HERC4: variants seen among roughly 807,000 people sequenced by gnomAD.
The protein encoded by HERC4 is probable E3 ubiquitin-protein ligase HERC4.
HERC4 carries 28 observed loss-of-function variants against 124.3 expected under a neutral mutation model. The ratio of observed to expected loss-of-function variants is 0.23; its 90% confidence interval spans 0.17 to 0.31. The LOEUF is 0.31. Among genes scored for constraint, HERC4 ranks in the 10% least tolerant of loss-of-function variants. The pLI is 1.00. For synonymous variants in HERC4, 407 were observed against 421.5 expected, an observed-to-expected ratio of 0.97 and a Z score of 0.42; for missense variants, 713 against 1,229.3, an observed-to-expected ratio of 0.58 and a Z score of 6.28.
intron 9 of HERC4, chr10:68,010,232 G>C (rs1473455693): frequency 6.5e-6 from 7 of 1,069,000 alleles, no homozygotes; most frequent in Non-Finnish European, 8.3e-6. Context: ...AGAGCCCAGA[G>C]TGGCGACAGA....
intron 3 of HERC4, among the ~76,000 whole-genome samples, chr10:68,059,494 CATT>C (rs1160097643): frequency 8.7e-5 from 6 of 69,156 alleles, no homozygotes; most frequent in East Asian, 1.4e-3. Context: ...TATATTATAA[CATT>C]ATATATTATA....
rs963039997 is a variant in HERC4 at position 67,959,057 on chromosome 10, A to C, written c.1927-2081T>G. 1.5e-5 allele frequency: 22 copies of C among 1,441,036 alleles called. No individual in the cohort carries two copies. The African/African-American group carries it at 2.7e-4, about 18-fold the overall frequency. The allele number at this position is 1,441,036 out of a possible 1,614,324, so 89.3% of individuals were successfully genotyped here. On this transcript the variant is annotated intron_variant, in intron 16 of 24. Coordinates refer to ENST00000373700, the MANE Select transcript of HERC4 (RefSeq NM_015601.4). ...CGAATCTTTGGCTCTTCTATTACTCAGGAGAAAATGGAGTATATTTTACTC... is the reference window on the plus strand; with the variant it reads ...CGAATCTTTGGCTCTTCTATTACTCCGGAGAAAATGGAGTATATTTTACTC...
At chr10:68,052,783 T>C (rs546204231) in intron 3 of HERC4, among the ~76,000 whole-genome samples, 63 of 152,348 alleles carry the variant, frequency 4.1e-4, no homozygotes, top group South Asian at 2.3e-3. Context: ...CTCTCTCTGA[T>C]AACGTCTGAA....
intron 15 of HERC4, among the ~76,000 whole-genome samples, chr10:67,983,387 C>T (rs998483645): frequency 9.9e-5 from 15 of 152,124 alleles, no homozygotes; most frequent in Admixed American, 6.5e-4. Context: ...CCAAAAGAAA[C>T]GAAAGCAGTA....
At chr10:68,047,736 G>A (rs547219061) in intron 3 of HERC4, among the ~76,000 whole-genome samples, 4 of 152,264 alleles carry the variant, frequency 2.6e-5, no homozygotes, top group African/African-American at 9.6e-5. Context: ...CACCAGTTGT[G>A]ATGTCAAGGA....
At chr10:68,012,327 G>A (rs568006) in intron 9 of HERC4, among the ~76,000 whole-genome samples, 150,963 of 152,378 alleles carry the variant, frequency 0.99, 74,804 homozygotes, top group East Asian at 1. Flanking sequence ...CTTTCAGCCT[G>A]TCTGGGCTTT....
intron 19 of HERC4, among the ~76,000 whole-genome samples, chr10:67,946,348 A>AACACACACACACACACAC (rs58692888): frequency 7.8e-6 from 1 of 128,474 alleles, no homozygotes; most frequent in Non-Finnish European, 1.6e-5. Flanking sequence ...ATAAAACACA[A>AACACACACACACACACAC]ACACACACAC....
intron 22 of HERC4, 24 bp from the exon 23 acceptor site, chr10:67,932,804 T>C: frequency 6.4e-7 from 1 of 1,555,188 alleles, no homozygotes; most frequent in Admixed American, 2.3e-5. Flanking sequence ...AGCACACATG[T>C]ACAGATTATA....
intron 23 of HERC4, among the ~76,000 whole-genome samples, chr10:67,927,884 A>G (rs1225829443): frequency 6.6e-6 from 1 of 152,112 alleles, no homozygotes; most frequent in African/African-American, 2.4e-5. Flanking sequence ...TGGTGCTTAC[A>G]TTGTGGTGGG....
At chr10:67,937,647 C>A (rs2032482074) in intron 21 of HERC4, among the ~76,000 whole-genome samples, 1 of 147,690 alleles carries the variant, frequency 6.8e-6, no homozygotes, top group African/African-American at 2.5e-5. Flanking sequence ...TTGGAAAATG[C>A]TTTTCTGTTG....
intron 7 of HERC4, among the ~76,000 whole-genome samples, chr10:68,028,530 C>CT (rs1234967774): frequency 1.3e-5 from 2 of 152,172 alleles, no homozygotes; most frequent in Non-Finnish European, 2.9e-5. Flanking sequence ...TGGGATCAGA[C>CT]TCTTCTCTAA....
chr10:68,015,534 ATTTCT>A (rs2038212572), intron 8 of HERC4, among the ~76,000 whole-genome samples: 1 of 152,086 alleles, frequency 6.6e-6, no homozygotes, highest in African/African-American at 2.4e-5. Flanking sequence ...TGGTTTTCAA[ATTTCT>A]TTTGTTTTTG....
chr10:67,937,173 C>T (rs1339500634), intron 21 of HERC4, among the ~76,000 whole-genome samples: 2 of 151,692 alleles, frequency 1.3e-5, no homozygotes, highest in Non-Finnish European at 2.9e-5. Context: ...CAATAAATAC[C>T]AAGTTTCTGA....
At chr10:68,070,244 A>G in intron 3 of HERC4, 1 of 979,060 alleles carries the variant, frequency 1.0e-6, no homozygotes, top group Non-Finnish European at 1.2e-6. Context: ...CAAATCATTA[A>G]CGAATTATTC....
intron 8 of HERC4, among the ~76,000 whole-genome samples, chr10:68,018,227 G>GA (rs1006495469): frequency 0.011 from 1,470 of 134,706 alleles, 16 homozygotes; most frequent in Middle Eastern, 0.021. Context: ...CTGTTAACTA[G>GA]AAAAAAAAAA....
rs1223736579 is a variant in HERC4 at position 68,041,355 on chromosome 10, A to C, written c.386+3049T>G. ...GAGTAGATTTTTAAAAAAATGAAAA[A>C]TTTAGACTAAAAACTGACCTACTCT... On this transcript the variant is annotated intron_variant, in intron 4 of 24. Coordinates refer to ENST00000373700, the MANE Select transcript of HERC4 (RefSeq NM_015601.4). Among the ~76,000 whole-genome samples, 3 of 152,164 alleles carry C rather than the reference A, an allele frequency of 2.0e-5. No individual in the cohort carries two copies. In the East Asian group the frequency reaches 5.8e-4, roughly 29 times the overall value.
intron 9 of HERC4, among the ~76,000 whole-genome samples, chr10:67,999,412 A>G (rs2037095089): frequency 6.6e-6 from 1 of 152,164 alleles, no homozygotes; most frequent in Non-Finnish European, 1.5e-5. Flanking sequence ...AGACTCTCCT[A>G]CAAGCTACAG....
chr10:68,010,652 C>A, intron 9 of HERC4: 1 of 1,457,112 alleles, frequency 6.9e-7, no homozygotes, highest in Non-Finnish European at 9.5e-7. Flanking sequence ...TGTCGGCTTC[C>A]TCCACCCACT....
intron 21 of HERC4, among the ~76,000 whole-genome samples, chr10:67,937,270 G>A (rs2032447500): frequency 6.6e-6 from 1 of 152,102 alleles, no homozygotes; most frequent in Non-Finnish European, 1.5e-5. Flanking sequence ...TGGTATGAAG[G>A]GAGGGATACA....
Sources: allele counts gnomAD v4.1 joint callset (sites outside exome capture counted in the v4.1 genomes callset), GRCh38; gene constraint gnomAD v4.1.1; transcripts MANE v1.5; gene names NCBI Gene and HGNC (gene_info 2026-07-23, HGNC 2026-07-21).